The following YY1 variants were observed in gnomAD, a reference collection of about 807,000 sequenced individuals.
The protein encoded by YY1 is YY1 transcription factor.
In YY1, 2 loss-of-function variants were observed where a neutral mutation model predicts 35.6. The observed-to-expected ratio is 0.06, with a 90% CI of 0.02 to 0.18. The LOEUF is 0.18. Ranked by LOEUF, YY1 falls within the 10% of genes least tolerant of loss-of-function variation. The pLI is 1.00. For missense variants in YY1, 322 were observed against 573.4 expected (o/e 0.56, Z 4.48); for synonymous variants, 268 against 238.9 (o/e 1.12, Z -1.12).
At position 100,274,772 on chromosome 14, in the gene YY1, G is replaced by A; in HGVS notation, c.903+14G>A. On this transcript the variant is annotated intron_variant, in intron 3 of 4. Coordinates refer to ENST00000262238, the MANE Select transcript of YY1 (RefSeq NM_003403.5). Reference sequence around the variant, plus strand: ...TGCCCTCATAAAGTAAGTAATGCTAGAGGGAGAGTGTTCATTAAACTGTTG... The same window carrying A: ...TGCCCTCATAAAGTAAGTAATGCTAAAGGGAGAGTGTTCATTAAACTGTTG... 1 of 1,611,286 alleles carries A rather than the reference G, an allele frequency of 6.2e-7. No homozygotes were observed. Among genetic ancestry groups the A allele is most frequent in the Non-Finnish European group, 8.5e-7 (1 of 1,177,542 alleles).
chr14:100,249,757 TTTGTTTG>T lies in YY1; in HGVS notation c.679+9837_679+9843del, dbSNP rs1290273519. Among the ~76,000 whole-genome samples the T allele has an allele frequency of 5.2e-3, 473 of 90,098 alleles. 6 individuals are homozygous for T. Among genetic ancestry groups the T allele is most frequent in the African/African-American group, 0.021 (420 of 19,880 alleles). 59.1% of individuals were successfully genotyped at this position (90,098 alleles called of 152,430 possible). A position where few individuals can be genotyped will look rare whatever the true frequency, so the allele number is the denominator to read the frequency against. On this transcript the variant is annotated intron_variant, in intron 1 of 4. Coordinates refer to ENST00000262238, the MANE Select transcript of YY1 (RefSeq NM_003403.5). ...AGATTTGCTACTTACCGTTTTTTTT[TTTGTTTG>T]TTTTTGTTTTTGTTTTTGTTTTTTT... is the stretch of plus-strand genomic sequence containing the variant.
In YY1 at chr14:100,244,302, T is replaced by A. The variant is rs921757600; in HGVS notation, c.679+4379T>A. Among the ~76,000 whole-genome samples, 5 of 146,330 alleles carry A rather than the reference T, an allele frequency of 3.4e-5. No individual in the cohort carries two copies. In the South Asian group the frequency reaches 1.1e-3, roughly 31 times the overall value. On this transcript the variant is annotated intron_variant, in intron 1 of 4. Transcript: ENST00000262238. ...CCTTATAGGATCCTTAGAGATTGGCTTTTTTTTTCCTTTTTTACTTTTTTT... is the reference window on the plus strand; with the variant it reads ...CCTTATAGGATCCTTAGAGATTGGCATTTTTTTTCCTTTTTTACTTTTTTT...
rs1001190485 is a variant in YY1, at chr14:100,262,551, T to C, written c.842+85T>C. 7.8e-6 allele frequency: 11 copies of C among 1,408,702 alleles called. No individual in the cohort carries two copies. The African/African-American group carries it at 1.3e-4, about 16-fold the overall frequency. 87.3% of individuals were successfully genotyped at this position (1,408,702 alleles called of 1,614,324 possible). ...ATGTTTTCCTGTGCCTAAGTCAAAA[T>C]GGTGGTTTGTATTCTTTCTCTAGGG... On this transcript the variant is annotated intron_variant, in intron 2 of 4. Transcript: ENST00000262238.
At chr14:100,258,132 A>G (rs1891029971) in intron 1 of YY1, among the ~76,000 whole-genome samples, 1 of 152,048 alleles carries the variant, frequency 6.6e-6, no homozygotes, top group Admixed American at 6.6e-5. Flanking sequence ...ACTGTGTCAA[A>G]AAAAAAAGAA....
chr14:100,239,280 C>T lies in YY1; in HGVS notation c.36C>T (p.Asp12=), dbSNP rs754389943. Residue 12 remains aspartate, a synonymous_variant, in exon 1 of 5, where the codon GAC becomes GAT. Transcript: ENST00000262238. ...ASGDTLYIAT[D]GSEMPAEIVE... is the part of the protein sequence containing the mutation. ...GCGACACCCTCTACATCGCCACGGACGGCTCGGAGATGCCGGCCGAGATCG... is the reference window on the plus strand; with the variant it reads ...GCGACACCCTCTACATCGCCACGGATGGCTCGGAGATGCCGGCCGAGATCG... 4.4e-6 allele frequency: 7 copies of T among 1,590,378 alleles called. No individual in the cohort carries two copies. Among genetic ancestry groups the T allele is most frequent in the South Asian group, 1.1e-5 (1 of 88,124 alleles).
intron 1 of YY1, among the ~76,000 whole-genome samples, chr14:100,247,007 TCAA>T (rs1329878630): frequency 6.6e-6 from 1 of 152,136 alleles, no homozygotes; most frequent in Non-Finnish European, 1.5e-5. Context: ...CCTCCCACTA[TCAA>T]CAACTGACTC....
chr14:100,243,293 G>T (rs7143939), intron 1 of YY1, among the ~76,000 whole-genome samples: 4,553 of 152,272 alleles, frequency 0.03, 254 homozygotes, highest in African/African-American at 0.1. Context: ...CTGCTTTCGT[G>T]TACTTGATCT....
At chr14:100,256,830 G>C (rs1221105918) in intron 1 of YY1, among the ~76,000 whole-genome samples, 1 of 151,878 alleles carries the variant, frequency 6.6e-6, no homozygotes, top group Non-Finnish European at 1.5e-5. Flanking sequence ...TGGTTAAAAT[G>C]AGAAGTATTA....
chr14:100,264,972 G>A (rs77333686), intron 2 of YY1, among the ~76,000 whole-genome samples: 5 of 152,048 alleles, frequency 3.3e-5, no homozygotes, highest in Non-Finnish European at 7.4e-5. Flanking sequence ...TATGCAGCTA[G>A]CTTCTTGGGA....
intron 1 of YY1, among the ~76,000 whole-genome samples, chr14:100,250,948 A>G (rs1401958661): frequency 1.3e-5 from 2 of 152,126 alleles, no homozygotes; most frequent in African/African-American, 4.8e-5. Context: ...TCAAGGCTGC[A>G]GTGAGCTCCA....
chr14:100,247,735 C>T (rs192163181), intron 1 of YY1, among the ~76,000 whole-genome samples: 4 of 152,284 alleles, frequency 2.6e-5, no homozygotes, highest in East Asian at 1.9e-4. Context: ...GCCATTTCCT[C>T]GTTCTAAGTA....
At chr14:100,265,152 T>G (rs1345625511) in intron 2 of YY1, among the ~76,000 whole-genome samples, 1 of 151,018 alleles carries the variant, frequency 6.6e-6, no homozygotes, top group Admixed American at 6.6e-5. Flanking sequence ...CTGAGGTGGG[T>G]GGATCGCCTG....
chr14:100,240,314 G>T (rs1433164355), intron 1 of YY1, among the ~76,000 whole-genome samples: 1 of 146,572 alleles, frequency 6.8e-6, no homozygotes, highest in Non-Finnish European at 1.5e-5. Flanking sequence ...CGGCCCGGGC[G>T]GGACGCGGGA....
chr14:100,262,162 CAAAA>C lies in YY1; in HGVS notation c.680-133_680-130del, dbSNP rs371942698. On this transcript the variant is annotated intron_variant, in intron 1 of 4. Transcript: ENST00000262238. The stretch of plus-strand genomic sequence containing the variant: ...TGGGTGACAGAGTGAGACCGTTCTC[CAAAA>C]AAAAAAAAGGGAGAGGGGAGAACAA... 2.5e-5 allele frequency: 19 copies of C among 747,912 alleles called. No homozygotes were observed. In the Middle Eastern group the frequency reaches 1.3e-3, roughly 49 times the overall value. The allele number at this position is 747,912 out of a possible 1,614,324, so 46.3% of individuals were successfully genotyped here. A position where few individuals can be genotyped will look rare whatever the true frequency, so the allele number is the denominator to read the frequency against.
At chr14:100,265,488 A>C (rs1891140418) in intron 2 of YY1, 1 of 152,270 alleles carries the variant, frequency 6.6e-6, no homozygotes, top group Non-Finnish European at 1.5e-5. Flanking sequence ...GAGTAAGAGC[A>C]TGCTTACCGT....
Position 100,262,331 on chromosome 14 carries a change from C to G in YY1, c.707C>G (p.Thr236Arg). The change falls in exon 2 of 5, where the codon ACA becomes AGA. Residue 236 changes from threonine to arginine, a missense_variant. Thr to Arg is a moderately conservative substitution (Grantham distance 71, BLOSUM62 -1). Around this residue, in one of 4 missense-constraint regions of YY1, gnomAD observed 152 missense variants for 167.1 expected, o/e 0.91. Coordinates refer to ENST00000262238, the MANE Select transcript of YY1 (RefSeq NM_003403.5). ...SDEKKDIDHETVVEEQIIGEN... is the reference protein window; with the variant it reads ...SDEKKDIDHERVVEEQIIGEN... ...GAAAAAAAAGATATTGACCATGAGACAGTGGTTGAAGAACAGATCATTGGA... is the reference window on the plus strand; with the variant it reads ...GAAAAAAAAGATATTGACCATGAGAGAGTGGTTGAAGAACAGATCATTGGA... 1 of 1,613,954 alleles carries G rather than the reference C, an allele frequency of 6.2e-7. No individual in the cohort carries two copies. Among genetic ancestry groups the G allele is most frequent in the Non-Finnish European group, 8.5e-7 (1 of 1,180,010 alleles).
At chr14:100,270,639 G>T (rs537904820) in intron 2 of YY1, among the ~76,000 whole-genome samples, 1 of 151,952 alleles carries the variant, frequency 6.6e-6, no homozygotes, top group East Asian at 1.9e-4. Context: ...GAAAAGAAAA[G>T]AAAATGTATG....
In YY1 at chr14:100,279,652, T is replaced by C. The variant is rs1891383641; in HGVS notation, c.*2052T>C. 1 of 152,268 alleles carries C rather than the reference T, an allele frequency of 6.6e-6. No homozygotes were observed. Among genetic ancestry groups the C allele is most frequent in the Non-Finnish European group, 1.5e-5 (1 of 68,072 alleles). The allele number at this position is 152,268 out of a possible 1,614,324, so 9.4% of individuals were successfully genotyped here. A position where few individuals can be genotyped will look rare whatever the true frequency, so the allele number is the denominator to read the frequency against. On this transcript the variant is annotated 3_prime_UTR_variant, in exon 5 of 5. Transcript: ENST00000262238. The stretch of plus-strand genomic sequence containing the variant: ...GGATGAGAACGTGTAGTTCTTTGAC[T>C]TGGACCTGGGCAGCGTCTTCTATGG...
intron 2 of YY1, among the ~76,000 whole-genome samples, chr14:100,271,699 C>T (rs1476069008): frequency 3.9e-5 from 6 of 151,958 alleles, no homozygotes; most frequent in Middle Eastern, 3.4e-3. Flanking sequence ...AACAAGGTCT[C>T]GTTCTGTCAC....
Sources: allele counts gnomAD v4.1 joint callset (sites outside exome capture counted in the v4.1 genomes callset), GRCh38; gene constraint gnomAD v4.1.1; regional missense constraint gnomAD v4.1.1; transcripts MANE v1.5; gene names NCBI Gene and HGNC (gene_info 2026-07-23, HGNC 2026-07-21).